The following CSPP1 variants were observed in gnomAD, a reference collection of about 807,000 sequenced individuals.
CSPP1 encodes the protein centrosome and spindle pole associated protein 1, also known as centrosome and spindle pole-associated protein 1.
Under a neutral mutation model 164.4 loss-of-function variants are expected in CSPP1, and 126 were observed. That is an observed-to-expected ratio of 0.77 (90% CI 0.66 to 0.89). The LOEUF is 0.89. Among genes scored for constraint, CSPP1 ranks in the 40% least tolerant of loss-of-function variants. The pLI is 0.00. For missense variants in CSPP1, 1,395 were observed against 1,449.8 expected, an observed-to-expected ratio of 0.96 and a Z score of 0.61; for synonymous variants, 472 against 476.7, an observed-to-expected ratio of 0.99 and a Z score of 0.13.
At chr8:67,179,672 G>A (rs1466635430) in intron 27 of CSPP1, among the ~76,000 whole-genome samples, 191 bp from the exon 28 acceptor site, 5 of 152,148 alleles carry the variant, frequency 3.3e-5, no homozygotes, top group African/African-American at 7.2e-5. Context: ...TGCTATCACC[G>A]TCTTCGTAGG....
chr8:67,066,784 G>A (rs982466612), intron 1 of CSPP1, among the ~76,000 whole-genome samples: 1 of 144,960 alleles, frequency 6.9e-6, no homozygotes, highest in South Asian at 2.1e-4. Context: ...TTTGTTTTTT[G>A]TTTGTTTGTT....
rs756752153 is a variant in CSPP1, at chr8:67,118,300, C to G, written c.1549C>G (p.Arg517Gly). 1 of 1,613,310 alleles carries G rather than the reference C, an allele frequency of 6.2e-7. No individual in the cohort carries two copies. The highest frequency in any genetic ancestry group is 8.5e-7 in the Non-Finnish European group (1 of 1,179,368). The part of the protein sequence containing the change: ...PLLPPLATNY[R>G]TPYDDAYYFY... ...ACTACCACCTTTGGCTACTAACTATCGAACTCCTTATGATGATGCATACTA... is the reference window on the plus strand; with the variant it reads ...ACTACCACCTTTGGCTACTAACTATGGAACTCCTTATGATGATGCATACTA... The change falls in exon 14 of 31, where the codon CGA becomes GGA. Residue 517 changes from arginine (R) to glycine (G), a missense_variant. Physicochemically the swap from Arg to Gly is moderately radical, Grantham distance 125. Transcript: ENST00000678616.
intron 15 of CSPP1, among the ~76,000 whole-genome samples, chr8:67,130,844 C>T (rs1295100312): frequency 1.3e-5 from 2 of 151,676 alleles, no homozygotes; most frequent in Non-Finnish European, 2.9e-5. Flanking sequence ...GAAAATTAGC[C>T]GGGCGTGGTG....
At chr8:67,164,617 C>G (rs1233237724) in intron 24 of CSPP1, 109 bp downstream of exon 24, 2 of 562,932 alleles carry the variant, frequency 3.6e-6, no homozygotes, top group Non-Finnish European at 6.4e-6. Context: ...TACTTAAAAT[C>G]TCCTTACTTT....
intron 16 of CSPP1, chr8:67,133,490 A>G (rs1014474818): frequency 5.3e-5 from 8 of 152,214 alleles, no homozygotes; most frequent in Non-Finnish European, 7.3e-5. Flanking sequence ...CATGTCTTAA[A>G]CAAGCTACGT....
chr8:67,184,239 C>G (rs1034343908), intron 28 of CSPP1, among the ~76,000 whole-genome samples: 1 of 152,072 alleles, frequency 6.6e-6, no homozygotes, highest in Non-Finnish European at 1.5e-5. Context: ...AATCAGTATT[C>G]TAAGCTTCCA....
In CSPP1 at chr8:67,124,679, T is replaced by TTTTTG. The variant is rs547380644; in HGVS notation, c.1697+5874_1697+5878dup. On this transcript the variant is annotated intron_variant, in intron 15 of 30. Transcript: ENST00000678616. ...CCAATGCTCAGCTAATTAAAAAAAT[T>TTTTTG]TTTTGTTTTGTTTTGTTTTGGAGAT... Among the ~76,000 whole-genome samples the TTTTTG allele has an allele frequency of 1.8e-3, 279 of 151,854 alleles. 4 individuals carry two copies. The highest frequency in any genetic ancestry group is 6.5e-3 in the African/African-American group (268 of 41,380).
In CSPP1 at chr8:67,195,437, C is replaced by G; in HGVS notation, c.3525C>G (p.Asp1175Glu). 1 of 1,614,106 alleles carries G rather than the reference C, an allele frequency of 6.2e-7. No homozygotes were observed. Among genetic ancestry groups the G allele is most frequent in the Non-Finnish European group, 8.5e-7 (1 of 1,179,982 alleles). Residue 1175 changes from aspartate (D) to glutamate (E), a missense_variant, in exon 31 of 31, where the codon GAC becomes GAG. Physicochemically the swap from Asp to Glu is conservative, Grantham distance 45. Coordinates refer to ENST00000678616, the MANE Select transcript of CSPP1 (RefSeq NM_001382391.1). ...PDDIMKHIGD[D>E]GSNSVATEPW... The stretch of plus-strand genomic sequence containing the variant: ...ACATCATGAAACACATAGGGGATGA[C>G]GGATCAAACTCTGTAGCAACTGAGC...
At chr8:67,192,560 CA>C (rs1160057342) in intron 29 of CSPP1, among the ~76,000 whole-genome samples, 1 of 152,132 alleles carries the variant, frequency 6.6e-6, no homozygotes, top group Non-Finnish European at 1.5e-5. Context: ...TCCAACTCAT[CA>C]CTCTTTCTTG....
intron 28 of CSPP1, 98 bp downstream of exon 28, chr8:67,180,024 A>G (rs941700139): frequency 4.0e-5 from 6 of 148,440 alleles, no homozygotes; most frequent in Admixed American, 7.3e-5. Context: ...ACAAGGTAGT[A>G]AAAAAAAAAA....
At chr8:67,127,690 A>G (rs1820370590) in intron 15 of CSPP1, among the ~76,000 whole-genome samples, 1 of 152,224 alleles carries the variant, frequency 6.6e-6, no homozygotes, top group African/African-American at 2.4e-5. Flanking sequence ...TGCTTTCTAT[A>G]AATCAGCTTT....
chr8:67,150,451 C>A (rs1463753547), intron 18 of CSPP1, among the ~76,000 whole-genome samples: 1 of 151,846 alleles, frequency 6.6e-6, no homozygotes, highest in Non-Finnish European at 1.5e-5. Context: ...TTATCCCAGG[C>A]TGGAGTGCAG....
intron 15 of CSPP1, among the ~76,000 whole-genome samples, chr8:67,127,210 A>G (rs1820248793): frequency 1.3e-5 from 2 of 152,176 alleles, no homozygotes; most frequent in African/African-American, 4.8e-5. Flanking sequence ...TGAATTTCCA[A>G]ATTACTTAGC....
chr8:67,081,654 A>G (rs1274467410), intron 3 of CSPP1, among the ~76,000 whole-genome samples: 1 of 152,232 alleles, frequency 6.6e-6, no homozygotes, highest in Non-Finnish European at 1.5e-5. Flanking sequence ...TTGTTGAAAT[A>G]CTTATATTAA....
At chr8:67,136,316 A>T (rs1822255815) in intron 16 of CSPP1, among the ~76,000 whole-genome samples, 1 of 152,074 alleles carries the variant, frequency 6.6e-6, no homozygotes, top group South Asian at 2.1e-4. Context: ...TCACGCCTGT[A>T]ATCCCAGCAC....
chr8:67,190,507 T>C, intron 28 of CSPP1, 143 bp from the exon 29 acceptor site: 2 of 628,370 alleles, frequency 3.2e-6, no homozygotes, highest in South Asian at 4.0e-5. Context: ...ACTAAAAAAA[T>C]CACCGAACTG....
Position 67,103,683 on chromosome 8 carries a change from G to A in CSPP1, c.1022+548G>A, listed in dbSNP as rs1814659284. 2.0e-5 allele frequency among the ~76,000 whole-genome samples: 3 copies of A among 151,372 alleles called. No homozygotes were observed. In the South Asian group the frequency reaches 6.3e-4, roughly 32 times the overall value. ...GAAAAAGAAAAGAAAAAATTAGCCA[G>A]GCGTGGCAATCCCTGTAATCCCTGG... On this transcript the variant is annotated intron_variant, in intron 8 of 30. Coordinates refer to ENST00000678616, the MANE Select transcript of CSPP1 (RefSeq NM_001382391.1).
In CSPP1 at chr8:67,184,747, A is replaced by T. The variant is rs569244174; in HGVS notation, c.3220+4821A>T. Among the ~76,000 whole-genome samples, 50 of 146,146 alleles carry T rather than the reference A, an allele frequency of 3.4e-4. 1 individual carries two copies. The East Asian group carries it at 8.3e-3, about 24-fold the overall frequency. ...TAAAAAAATAATAATAAAAAAATAT[A>T]ATAATAATAATAATAATAATAAAGG... On this transcript the variant is annotated intron_variant, in intron 28 of 30. Transcript: ENST00000678616.
At chr8:67,077,635 G>A (rs1023554301) in intron 3 of CSPP1, among the ~76,000 whole-genome samples, 1 of 152,204 alleles carries the variant, frequency 6.6e-6, no homozygotes, top group Non-Finnish European at 1.5e-5. Context: ...CACTGTGCCC[G>A]ACCTGTATGA....
Sources: allele counts gnomAD v4.1 joint callset (sites outside exome capture counted in the v4.1 genomes callset), GRCh38; gene constraint gnomAD v4.1.1; transcripts MANE v1.5; gene names NCBI Gene and HGNC (gene_info 2026-07-23, HGNC 2026-07-21).